Variants in STEAP3 observed in about 807,000 individuals in gnomAD.
STEAP3 encodes metalloreductase STEAP3.
A neutral mutation model predicts 34.9 loss-of-function variants in STEAP3; 35 were observed. The observed-to-expected ratio is 1.00, with a 90% confidence interval of 0.76 to 1.33. The LOEUF (loss-of-function observed/expected upper bound fraction) is 1.33, where lower values mean the gene tolerates loss of function less well. STEAP3 is among the 40% of genes most tolerant of loss of function. STEAP3 has a pLI of 0.00. For missense variants in STEAP3, 652 were observed against 667.6 expected (o/e 0.98, Z 0.26); for synonymous variants, 281 against 301.6 (o/e 0.93, Z 0.71).
intron 2 of STEAP3, among the ~76,000 whole-genome samples, chr2:119,233,750 G>A (rs1200642555): frequency 1.3e-5 from 2 of 152,202 alleles, no homozygotes; most frequent in Non-Finnish European, 2.9e-5. Flanking sequence ...TAGTCCCAGA[G>A]CGTGAAGTCC....
rs945669145 is a variant in STEAP3 at position 119,265,568 on chromosome 2, T to C, written c.*2230T>C. ...GTCTGAGGTTGATATCTAAAATCTATGCCTTCAAAAGAGTCTCTGTTTTTT... is the reference window on the plus strand; with the variant it reads ...GTCTGAGGTTGATATCTAAAATCTACGCCTTCAAAAGAGTCTCTGTTTTTT... On this transcript the variant is annotated 3_prime_UTR_variant, in exon 6 of 6. Transcript: ENST00000393110. 3 of 152,032 alleles carry C rather than the reference T, an allele frequency of 2.0e-5. No homozygotes were observed. The highest frequency in any genetic ancestry group is 2.0e-4 in the Admixed American group (3 of 15,276). 9.4% of individuals were successfully genotyped at this position (152,032 alleles called of 1,614,324 possible).
intron 2 of STEAP3, among the ~76,000 whole-genome samples, chr2:119,234,916 G>A (rs1014300139): frequency 6.6e-6 from 1 of 152,060 alleles, no homozygotes; most frequent in African/African-American, 2.4e-5. Flanking sequence ...CTTCCCATAC[G>A]CTGGCGATGG....
chr2:119,253,398 T>C (rs1300064331), intron 4 of STEAP3, among the ~76,000 whole-genome samples: 3 of 152,186 alleles, frequency 2.0e-5, no homozygotes, highest in Admixed American at 6.5e-5. Flanking sequence ...CTTTCTCTTA[T>C]AAGCTGTACA....
Position 119,254,783 on chromosome 2 carries a change from C to T in STEAP3, c.1150C>T (p.Leu384=), listed in dbSNP as rs1677728754. 6.2e-7 allele frequency: 1 copy of T among 1,614,216 alleles called. No individual in the cohort carries two copies. Among genetic ancestry groups the T allele is most frequent in the South Asian group, 1.1e-5 (1 of 91,082 alleles). ...GVLALGTLSL[L]AVTSLPSIAN... is the part of the protein sequence containing the mutation. The stretch of plus-strand genomic sequence containing the variant: ...GCTGGCCCTCGGCACGTTGTCCCTG[C>T]TGGCCGTGACCTCACTGCCGTCCAT... Residue 384 remains leucine, a synonymous_variant, in exon 5 of 6, where the codon CTG becomes TTG. Transcript: ENST00000393110.
chr2:119,227,754 A>G (rs1452383909), intron 1 of STEAP3, among the ~76,000 whole-genome samples: 1 of 152,202 alleles, frequency 6.6e-6, no homozygotes, highest in Non-Finnish European at 1.5e-5. Flanking sequence ...TGTAGACAGC[A>G]GGGCTCCCAA....
At chr2:119,227,373 C>T (rs1473504585) in intron 1 of STEAP3, among the ~76,000 whole-genome samples, 3 of 152,200 alleles carry the variant, frequency 2.0e-5, no homozygotes, top group African/African-American at 7.2e-5. Context: ...GTCTCGTGAG[C>T]CCTGCACTGA....
In STEAP3 at chr2:119,246,002, G is replaced by A; in HGVS notation, c.522+14G>A. ...GGTAACAGGCAGGTAGGTTCTGGGG[G>A]AATAATACCCATCGTAACAATAAAT... On this transcript the variant is annotated intron_variant, in intron 3 of 5. Coordinates refer to ENST00000393110, the MANE Select transcript of STEAP3 (RefSeq NM_182915.3). 1 of 1,599,800 alleles carries A rather than the reference G, an allele frequency of 6.3e-7. No homozygotes were observed. The highest frequency in any genetic ancestry group is 8.5e-7 in the Non-Finnish European group (1 of 1,170,604).
intron 2 of STEAP3, among the ~76,000 whole-genome samples, chr2:119,236,011 T>C (rs1185110931): frequency 6.6e-6 from 1 of 152,108 alleles, no homozygotes; most frequent in Non-Finnish European, 1.5e-5. Flanking sequence ...TTCTTCCCAC[T>C]CCCAAGTCCC....
chr2:119,251,763 C>G (rs529435061), intron 4 of STEAP3, among the ~76,000 whole-genome samples: 277 of 152,228 alleles, frequency 1.8e-3, no homozygotes, highest in Non-Finnish European at 3.0e-3. Flanking sequence ...ATACTGTCCT[C>G]TAAATGGGCA....
Position 119,263,282 on chromosome 2 carries a change from A to G in STEAP3, c.1441A>G (p.Ile481Val), listed in dbSNP as rs1292137766. 3 of 1,613,824 alleles carry G rather than the reference A, an allele frequency of 1.9e-6. No individual in the cohort carries two copies. Among genetic ancestry groups the G allele is most frequent in the Non-Finnish European group, 2.5e-6 (3 of 1,180,022 alleles). ...GAGAGGCTGGGAGAGGGAGAGCACCATCAAGTTCACGCTGCCCACAGACCA... is the reference window on the plus strand; with the variant it reads ...GAGAGGCTGGGAGAGGGAGAGCACCGTCAAGTTCACGCTGCCCACAGACCA... ...IRRGWEREST[I>V]KFTLPTDHAL... Residue 481 changes from isoleucine (I) to valine (V), a missense_variant, in exon 6 of 6, where the codon ATC becomes GTC. Physicochemically the swap from Ile to Val is conservative, Grantham distance 29. Transcript: ENST00000393110.
chr2:119,258,774 A>ATTTTTTTTT (rs57860527), intron 5 of STEAP3, among the ~76,000 whole-genome samples: 96 of 120,936 alleles, frequency 7.9e-4, no homozygotes, highest in East Asian at 1.5e-3. Flanking sequence ...CACCTGGCTA[A>ATTTTTTTTT]TTTTTTTTTT....
chr2:119,225,007 T>C (rs1209491861), intron 1 of STEAP3, among the ~76,000 whole-genome samples: 2 of 152,174 alleles, frequency 1.3e-5, no homozygotes, highest in East Asian at 3.9e-4. Flanking sequence ...AACCTACCAC[T>C]GGGGCGAAAC....
intron 5 of STEAP3, chr2:119,257,598 G>A (rs1677813044): frequency 7.2e-6 from 11 of 1,530,902 alleles, no homozygotes; most frequent in Non-Finnish European, 8.8e-6. Flanking sequence ...ACTTGTGCCT[G>A]TGTCCACCCC....
chr2:119,243,245 G>A (rs952134024), intron 2 of STEAP3, among the ~76,000 whole-genome samples: 2 of 152,244 alleles, frequency 1.3e-5, no homozygotes, highest in Non-Finnish European at 2.9e-5. Context: ...AGGCAGGACA[G>A]GAACACATGT....
chr2:119,255,760 T>A (rs1362735797), intron 5 of STEAP3, among the ~76,000 whole-genome samples: 2 of 132,496 alleles, frequency 1.5e-5, no homozygotes, highest in African/African-American at 2.8e-5. Context: ...AAAAAAAAAA[T>A]ACTCCACAGA....
chr2:119,263,481 A>G lies in STEAP3; in HGVS notation c.*143A>G, dbSNP rs764533469. 3.0e-6 allele frequency: 3 copies of G among 996,882 alleles called. No individual in the cohort carries two copies. Among genetic ancestry groups the G allele is most frequent in the South Asian group, 2.8e-5 (2 of 72,348 alleles). The allele number at this position is 996,882 out of a possible 1,614,324, so 61.8% of individuals were successfully genotyped here. A position where few individuals can be genotyped will look rare whatever the true frequency, so the allele number is the denominator to read the frequency against. On this transcript the variant is annotated 3_prime_UTR_variant, in exon 6 of 6. Coordinates refer to ENST00000393110, the MANE Select transcript of STEAP3 (RefSeq NM_182915.3). ...GTCCAAATTCCTGGGACTCAAATGT[A>G]TGCAGTACTATTCAGAATGATATAC...
At chr2:119,260,408 G>T (rs1408609794) in intron 5 of STEAP3, among the ~76,000 whole-genome samples, 1 of 151,920 alleles carries the variant, frequency 6.6e-6, no homozygotes. Flanking sequence ...CACCTCCTGG[G>T]TTCAAGCGAG....
At chr2:119,247,547 G>A (rs550910347) in intron 3 of STEAP3, 132 bp from the exon 4 acceptor site, 5 of 1,089,382 alleles carry the variant, frequency 4.6e-6, no homozygotes, top group Admixed American at 2.9e-5. Context: ...GCTCCCACCT[G>A]TACCATTGAC....
intron 4 of STEAP3, among the ~76,000 whole-genome samples, chr2:119,251,027 C>T (rs1666894013): frequency 6.6e-6 from 1 of 152,164 alleles, no homozygotes. Flanking sequence ...TGACACACAG[C>T]AGCCCAGATA....
Sources: allele counts gnomAD v4.1 joint callset (sites outside exome capture counted in the v4.1 genomes callset), GRCh38; gene constraint gnomAD v4.1.1; transcripts MANE v1.5; gene names NCBI Gene and HGNC (gene_info 2026-07-23, HGNC 2026-07-21).